PARP16: variants seen among roughly 807,000 people sequenced by gnomAD.
The protein encoded by PARP16 is protein mono-ADP-ribosyltransferase PARP16.
Under a neutral mutation model 35.0 loss-of-function variants are expected in PARP16, and 31 were observed. The observed-to-expected ratio is 0.88, with a 90% CI of 0.66 to 1.19. The LOEUF (loss-of-function observed/expected upper bound fraction) is 1.19. Ranked by LOEUF, PARP16 falls within the 50% of genes most tolerant of loss-of-function variation. The pLI, the probability that PARP16 is intolerant of heterozygous loss-of-function variation, is 0.00. For synonymous variants in PARP16, 162 were observed against 169.5 expected, an observed-to-expected ratio of 0.96 and a Z score of 0.34; for missense variants, 424 against 411.2, an observed-to-expected ratio of 1.03 and a Z score of -0.27.
chr15:65,241,139 CT>C (rs34888317), intron 3 of PARP16, among the ~76,000 whole-genome samples: 90,048 of 127,704 alleles, frequency 0.71, 31,892 homozygotes, highest in East Asian at 0.98. Flanking sequence ...CCTGTCCAAA[CT>C]TTTTTTTTTT....
intron 3 of PARP16, among the ~76,000 whole-genome samples, chr15:65,237,901 G>A (rs1188815319): frequency 6.6e-6 from 1 of 152,202 alleles, no homozygotes; most frequent in African/African-American, 2.4e-5. Flanking sequence ...ACCTCTAAAT[G>A]TTGGGGTGCC....
chr15:65,257,575 A>AGCCGAG (rs2089553676), downstream of PARP16, among the ~76,000 whole-genome samples: 1 of 146,962 alleles, frequency 6.8e-6, no homozygotes, highest in Non-Finnish European at 1.5e-5. Context: ...GGCTGCAGTG[A>AGCCGAG]GCCGAGATTG....
chr15:65,261,645 G>A (rs1236664615), intron 4 of PARP16, among the ~76,000 whole-genome samples: 3 of 151,508 alleles, frequency 2.0e-5, no homozygotes, highest in East Asian at 1.9e-4. Context: ...TAGTAGAAAC[G>A]GGGTTTCACC....
At position 65,258,413 on chromosome 15, in the gene PARP16, C is replaced by T. The variant is rs1047241284; in HGVS notation, c.*994G>A. 1 of 152,260 alleles carries T rather than the reference C, an allele frequency of 6.6e-6. No homozygotes were observed. Among genetic ancestry groups the T allele is most frequent in the African/African-American group, 2.4e-5 (1 of 41,464 alleles). 9.4% of individuals were successfully genotyped at this position (152,260 alleles called of 1,614,324 possible). Reference sequence around the variant, plus strand: ...GCTCCATCCACATGGATCTGTGGCACACTGGGGCAGGCCTCTGTCTTGAAG... The same window carrying T: ...GCTCCATCCACATGGATCTGTGGCATACTGGGGCAGGCCTCTGTCTTGAAG... On this transcript the variant is annotated 3_prime_UTR_variant, in exon 6 of 6. Transcript: ENST00000649807.
In PARP16 at chr15:65,269,658, G is replaced by T. The variant is rs185859100; in HGVS notation, c.312+1277C>A. ...AACTGTTCTTCATTCTGAAGTCAAG[G>T]CCATCCTCCTTTCTTAGTACTATAA... On this transcript the variant is annotated intron_variant, in intron 2 of 5. Coordinates refer to ENST00000649807, the MANE Select transcript of PARP16 (RefSeq NM_001316943.2). Among the ~76,000 whole-genome samples, 373 of 152,246 alleles carry T rather than the reference G, an allele frequency of 2.4e-3. 4 individuals carry two copies. The highest frequency in any genetic ancestry group is 8.5e-3 in the African/African-American group (353 of 41,544).
chr15:65,250,106 C>CTTTT lies in PARP16; in HGVS notation c.203-1879_203-1878insAAAA, dbSNP rs1567013240. On this transcript the variant is annotated intron_variant and NMD_transcript_variant, in intron 2 of 3. Coordinates refer to the PARP16 transcript ENST00000559805. ...CTAGCTGCAGCCTTGCACCTGCTTG[C>CTTTT]CTTTTTTTTTTTTTTTTTTTTTTTT... 1.3e-4 allele frequency among the ~76,000 whole-genome samples: 14 copies of CTTTT among 104,206 alleles called. 1 individual carries two copies. The highest frequency in any genetic ancestry group is 6.6e-4 in the South Asian group (2 of 3,024). The allele number at this position is 104,206 out of a possible 152,430, so 68.4% of individuals were successfully genotyped here. A position where few individuals can be genotyped will look rare whatever the true frequency, so the allele number is the denominator to read the frequency against.
intron 3 of PARP16, among the ~76,000 whole-genome samples, chr15:65,246,623 G>A (rs1400750645): frequency 6.6e-6 from 1 of 152,200 alleles, no homozygotes; most frequent in Non-Finnish European, 1.5e-5. Flanking sequence ...TCACTGGGTA[G>A]GGGCTCAGGG....
chr15:65,266,812 T>A, intron 2 of PARP16, 44 bp from the exon 3 acceptor site: 1 of 1,427,180 alleles, frequency 7.0e-7, no homozygotes, highest in Non-Finnish European at 9.8e-7. Flanking sequence ...GGGGAGCTGG[T>A]AAATGTGCTG....
intron 3 of PARP16, among the ~76,000 whole-genome samples, chr15:65,238,299 A>C (rs1433550589): frequency 6.6e-6 from 1 of 152,128 alleles, no homozygotes; most frequent in Non-Finnish European, 1.5e-5. Flanking sequence ...AGAAAAAAAA[A>C]CATTTATTTG....
chr15:65,264,781 C>T (rs920173817), intron 3 of PARP16, among the ~76,000 whole-genome samples: 1 of 152,188 alleles, frequency 6.6e-6, no homozygotes, highest in Non-Finnish European at 1.5e-5. Context: ...AAAACAGTAT[C>T]AGTATCAACT....
chr15:65,241,970 CCTA>C (rs2089091568), intron 3 of PARP16, among the ~76,000 whole-genome samples: 1 of 152,104 alleles, frequency 6.6e-6, no homozygotes. Flanking sequence ...AAGATTTTCC[CCTA>C]CGTCTTCTTC....
At chr15:65,246,818 C>T (rs947452894) in intron 3 of PARP16, among the ~76,000 whole-genome samples, 1 of 152,168 alleles carries the variant, frequency 6.6e-6, no homozygotes, top group Admixed American at 6.5e-5. Flanking sequence ...CCACTGTCCC[C>T]ACCCCCAACC....
At chr15:65,264,377 C>A (rs2089828423) in intron 3 of PARP16, among the ~76,000 whole-genome samples, 1 of 152,204 alleles carries the variant, frequency 6.6e-6, no homozygotes, top group African/African-American at 2.4e-5. Context: ...GGTTGAAATT[C>A]AACTGCTATC....
At chr15:65,249,695 C>G (rs1346959108) in intron 2 of PARP16, among the ~76,000 whole-genome samples, 1 of 152,242 alleles carries the variant, frequency 6.6e-6, no homozygotes, top group Non-Finnish European at 1.5e-5. Context: ...TGGCTGCCAG[C>G]AGCCCCTGGA....
intron 1 of PARP16, among the ~76,000 whole-genome samples, chr15:65,274,109 A>AT (rs1038811270): frequency 3.3e-5 from 5 of 151,336 alleles, no homozygotes; most frequent in Admixed American, 6.6e-5. Flanking sequence ...TGCCCAGCTA[A>AT]TTTTTTTTAT....
chr15:65,245,777 G>A (rs76143338), intron 3 of PARP16, among the ~76,000 whole-genome samples: 96 of 152,244 alleles, frequency 6.3e-4, no homozygotes, highest in African/African-American at 2.3e-3. Flanking sequence ...AGGGACCCTG[G>A]CCGTCAGCAG....
At chr15:65,259,914 T>C (rs1320101138) in intron 5 of PARP16, among the ~76,000 whole-genome samples, 1 of 152,208 alleles carries the variant, frequency 6.6e-6, no homozygotes, top group Non-Finnish European at 1.5e-5. Flanking sequence ...TTTTCACTTT[T>C]AGACACATGC....
At chr15:65,254,073 C>A (rs1025464735), downstream of PARP16, among the ~76,000 whole-genome samples, 2 of 152,208 alleles carry the variant, frequency 1.3e-5, no homozygotes, top group Middle Eastern at 6.8e-3. Context: ...CCGCCTCAGC[C>A]TTCCAAAAGT....
downstream of PARP16, among the ~76,000 whole-genome samples, chr15:65,232,358 T>C (rs748882940): frequency 6.6e-6 from 1 of 152,168 alleles, no homozygotes; most frequent in Admixed American, 6.6e-5. Context: ...GAACCAAATA[T>C]TTTTCGTGTC....
Sources: gnomAD v4.1 joint callset for allele counts (sites outside exome capture counted in the v4.1 genomes callset) on GRCh38, gnomAD v4.1.1 for gene constraint, MANE v1.5 for transcripts, NCBI Gene and HGNC (gene_info 2026-07-23, HGNC 2026-07-21) for gene names.